Variants in FBXO34 observed in about 807,000 individuals in gnomAD.
FBXO34 encodes the protein F-box only protein 34.
In FBXO34, 12 loss-of-function variants were observed where a neutral mutation model predicts 24.5. That is an observed-to-expected ratio of 0.49 (90% CI 0.31 to 0.79). The LOEUF (loss-of-function observed/expected upper bound fraction) is 0.79, where lower values mean the gene tolerates loss of function less well. Among genes scored for constraint, FBXO34 ranks in the 30% least tolerant of loss-of-function variants. FBXO34 has a pLI of 0.04. For synonymous variants in FBXO34, 320 were observed against 311.9 expected, an observed-to-expected ratio of 1.03 and a Z score of -0.27; for missense variants, 823 against 857.7, an observed-to-expected ratio of 0.96 and a Z score of 0.51.
chr14:55,300,656 A>G (rs976397064), intron 1 of FBXO34, among the ~76,000 whole-genome samples: 1 of 152,114 alleles, frequency 6.6e-6, no homozygotes, highest in Admixed American at 6.5e-5. Flanking sequence ...TAATGATTAC[A>G]TCTGTGGTTC....
rs1208823371 is a variant in FBXO34, at chr14:55,351,045, A to G, written c.655A>G (p.Ser219Gly). 6.2e-7 allele frequency: 1 copy of G among 1,614,240 alleles called. No homozygotes were observed. Among genetic ancestry groups the G allele is most frequent in the Admixed American group, 1.7e-5 (1 of 60,030 alleles). Residue 219 changes from serine (S) to glycine (G), a missense_variant, in exon 2 of 2, where the codon AGT becomes GGT. By Grantham distance (56) the Ser-to-Gly change is moderately conservative. Transcript: ENST00000313833. ...QMVAFLEQRA[S>G]ALLASCSKNC... The stretch of plus-strand genomic sequence containing the variant: ...GGTTGCCTTCTTGGAGCAAAGAGCC[A>G]GTGCTCTGCTAGCTAGCTGTTCAAA...
the FBXO34 span, among the ~76,000 whole-genome samples, chr14:55,430,398 T>TAAAAAAAAAAAAAAAAAAA: frequency 8.3e-6 from 1 of 119,828 alleles, no homozygotes; most frequent in Non-Finnish European, 1.7e-5. Context: ...TCACCCACTT[T>TAAAAAAAAAAAAAAAAAAA]AAAAAAAAAA....
At chr14:55,425,976 T>C in the FBXO34 span, among the ~76,000 whole-genome samples, 32 of 152,198 alleles carry the variant, frequency 2.1e-4, no homozygotes, top group African/African-American at 7.2e-4. Context: ...GAATTAAAAA[T>C]TAAAGAGGGG....
Position 55,331,707 on chromosome 14 carries a change from ATATATATATGTATATATATATG to A in FBXO34, c.-10-18664_-10-18643del, listed in dbSNP as rs1566559392. 2.9e-4 allele frequency among the ~76,000 whole-genome samples: 19 copies of A among 65,938 alleles called. 2 individuals carry two copies. The highest frequency in any genetic ancestry group is 2.9e-3 in the African/African-American group (18 of 6,294). The allele number at this position is 65,938 out of a possible 152,430, so 43.3% of individuals were successfully genotyped here. A position where few individuals can be genotyped will look rare whatever the true frequency, so the allele number is the denominator to read the frequency against. ...TATGTGTATATATATATATATATGT[ATATATATATGTATATATATATG>A]TATATATATATGTGTGTATATATAT... On this transcript the variant is annotated intron_variant, in intron 1 of 1. Coordinates refer to ENST00000313833, the MANE Select transcript of FBXO34 (RefSeq NM_017943.4).
intron 1 of FBXO34, among the ~76,000 whole-genome samples, chr14:55,307,704 G>A (rs1028946837): frequency 6.6e-6 from 1 of 152,152 alleles, no homozygotes; most frequent in Non-Finnish European, 1.5e-5. Context: ...ATCAAGTGAT[G>A]GAGGAAAAAG....
chr14:55,305,311 C>T (rs766649507), intron 1 of FBXO34, among the ~76,000 whole-genome samples: 25 of 151,638 alleles, frequency 1.6e-4, no homozygotes, highest in Non-Finnish European at 2.9e-4. Flanking sequence ...ACTCAGGAGG[C>T]TGAGGCAGGG....
the FBXO34 span, among the ~76,000 whole-genome samples, chr14:55,384,388 A>G: frequency 6.6e-6 from 1 of 152,190 alleles, no homozygotes; most frequent in African/African-American, 2.4e-5. Context: ...TCACAACCAG[A>G]TAATCAGCAC....
intron 1 of FBXO34, among the ~76,000 whole-genome samples, chr14:55,297,565 A>G (rs1298963458): frequency 2.0e-5 from 3 of 152,224 alleles, no homozygotes; most frequent in African/African-American, 4.8e-5. Context: ...AAAAACGATT[A>G]TGTGATTTAG....
At chr14:55,394,616 G>C in the FBXO34 span, among the ~76,000 whole-genome samples, 1 of 152,072 alleles carries the variant, frequency 6.6e-6, no homozygotes, top group East Asian at 1.9e-4. Flanking sequence ...AAAGTTATTA[G>C]GAAAACAGGA....
the FBXO34 span, chr14:55,436,989 C>G: frequency 1.1e-4 from 170 of 1,613,964 alleles, no homozygotes; most frequent in Non-Finnish European, 1.4e-4. Context: ...CTGGGCTGAA[C>G]AGGGGAGACC....
chr14:55,378,125 AT>A, the FBXO34 span: 16 of 1,516,534 alleles, frequency 1.1e-5, no homozygotes, highest in African/African-American at 1.4e-5. Context: ...AGGAAATTCT[AT>A]GTTAAAATTT....
chr14:55,371,888 T>C (rs994375426), downstream of FBXO34, among the ~76,000 whole-genome samples: 76 of 152,294 alleles, frequency 5.0e-4, no homozygotes, highest in African/African-American at 1.8e-3. Context: ...GAAGTCAGTA[T>C]TTTGCAAGGG....
chr14:55,395,220 T>C, the FBXO34 span: 2 of 371,196 alleles, frequency 5.4e-6, no homozygotes, highest in Non-Finnish European at 1.1e-5. Flanking sequence ...GGAGCTGACC[T>C]TCCTCTTGGG....
At chr14:55,436,697 G>C in the FBXO34 span, 3 of 1,614,220 alleles carry the variant, frequency 1.9e-6, no homozygotes, top group Admixed American at 1.7e-5. Flanking sequence ...CCAGGGTGCA[G>C]CTGTGAATGG....
intron 1 of FBXO34, among the ~76,000 whole-genome samples, chr14:55,331,683 ATG>A (rs1228528990): frequency 0.023 from 1,375 of 58,922 alleles, 330 homozygotes; most frequent in African/African-American, 0.14. Flanking sequence ...ATATATATAT[ATG>A]TGTATATATA....
chr14:55,434,678 T>C, the FBXO34 span, among the ~76,000 whole-genome samples: 20 of 152,344 alleles, frequency 1.3e-4, no homozygotes, highest in Non-Finnish European at 2.4e-4. Flanking sequence ...CATCTTTGTG[T>C]CTGTCCTCAC....
chr14:55,305,466 G>A (rs914118195), intron 1 of FBXO34, among the ~76,000 whole-genome samples: 4 of 151,406 alleles, frequency 2.6e-5, no homozygotes, highest in East Asian at 1.9e-4. Context: ...TGGCTGAGGC[G>A]AGTGGATCAC....
At chr14:55,418,515 T>C in the FBXO34 span, among the ~76,000 whole-genome samples, 3 of 152,212 alleles carry the variant, frequency 2.0e-5, no homozygotes, top group African/African-American at 7.2e-5. Flanking sequence ...TTTTATGACA[T>C]ATACCAATTT....
intron 1 of FBXO34, chr14:55,298,622 T>G: frequency 3.1e-6 from 4 of 1,273,424 alleles, no homozygotes; most frequent in Non-Finnish European, 1.1e-6. Flanking sequence ...GGAGCGGGCG[T>G]TGAAGGCTGG....
Sources: allele counts gnomAD v4.1 joint callset (sites outside exome capture counted in the v4.1 genomes callset), GRCh38; gene constraint gnomAD v4.1.1; transcripts MANE v1.5; gene names NCBI Gene and HGNC (gene_info 2026-07-23, HGNC 2026-07-21).